The following SIRT1 variants were observed in gnomAD, a reference collection of about 807,000 sequenced individuals.
The protein encoded by SIRT1 is sirtuin 1.
Under a neutral mutation model 67.9 loss-of-function variants are expected in SIRT1, and 24 were observed. That is an observed-to-expected ratio of 0.35 (90% CI 0.26 to 0.50). The LOEUF (loss-of-function observed/expected upper bound fraction) is 0.50. Among genes scored for constraint, SIRT1 ranks in the 20% least tolerant of loss-of-function variants. SIRT1 has a pLI of 0.98. For synonymous variants in SIRT1, 378 were observed against 350.7 expected (o/e 1.08, Z -0.87); for missense variants, 873 against 937.2 (o/e 0.93, Z 0.89).
intron 4 of SIRT1, among the ~76,000 whole-genome samples, chr10:67,900,128 A>C (rs916527178): frequency 6.6e-6 from 1 of 151,980 alleles, no homozygotes; most frequent in Non-Finnish European, 1.5e-5. Flanking sequence ...ATAAAGCAGC[A>C]CCCAGCTTTA....
In SIRT1 at chr10:67,885,085, G is replaced by T; in HGVS notation, c.364G>T (p.Asp122Tyr). 1 of 1,448,618 alleles carries T rather than the reference G, an allele frequency of 6.9e-7. No homozygotes were observed. Among genetic ancestry groups the T allele is most frequent in the African/African-American group, 1.5e-5 (1 of 67,724 alleles). The allele number at this position is 1,448,618 out of a possible 1,614,324, so 89.7% of individuals were successfully genotyped here. The change falls in exon 1 of 9, where the codon GAC (aspartate) becomes TAC (tyrosine). Residue 122 changes from aspartate (D) to tyrosine (Y), a missense_variant. By Grantham distance (160) the Asp-to-Tyr change is radical. Coordinates refer to ENST00000212015, the MANE Select transcript of SIRT1 (RefSeq NM_012238.5). ...GCCACCGCTGGCCGACAACTTGTAC[G>T]ACGAAGACGACGACGACGAGGGCGA... is the stretch of plus-strand genomic sequence containing the variant. Reference protein sequence around the residue: ...REPPLADNLYDEDDDDEGEEE... With the variant: ...REPPLADNLYYEDDDDEGEEE...
At chr10:67,911,538 T>A (rs1436221971) in intron 7 of SIRT1, among the ~76,000 whole-genome samples, 1 of 152,080 alleles carries the variant, frequency 6.6e-6, no homozygotes, top group East Asian at 1.9e-4. Context: ...TAGTATGATG[T>A]GTTGCAAAGA....
intron 4 of SIRT1, 87 bp downstream of exon 4, chr10:67,891,641 C>T: frequency 3.7e-6 from 5 of 1,338,230 alleles, no homozygotes; most frequent in Non-Finnish European, 5.2e-6. Flanking sequence ...GGTTATCGTT[C>T]ATTGTTTAGT....
intron 8 of SIRT1, among the ~76,000 whole-genome samples, chr10:67,913,644 C>A (rs1053141965): frequency 3.3e-5 from 5 of 152,156 alleles, no homozygotes; most frequent in Non-Finnish European, 7.3e-5. Flanking sequence ...TGTTAACTGA[C>A]ATGTGAAATC....
chr10:67,914,884 T>G (rs1215012455), intron 8 of SIRT1, among the ~76,000 whole-genome samples: 1 of 151,276 alleles, frequency 6.6e-6, no homozygotes, highest in Non-Finnish European at 1.5e-5. Context: ...CAGCTATTTT[T>G]TTTTTTTTTT....
rs186258895 is a variant in SIRT1, at chr10:67,911,880, C to T, written c.1358-594C>T. The stretch of plus-strand genomic sequence containing the variant: ...TGCAGTCTCCCGTGTTCAAGCAGTT[C>T]TCCTCCCAAGTAGTTGGGATTAGAG... On this transcript the variant is annotated intron_variant, in intron 7 of 8. Transcript: ENST00000212015. Among the ~76,000 whole-genome samples, 455 of 144,986 alleles carry T rather than the reference C, an allele frequency of 3.1e-3. 3 individuals are homozygous for T. The highest frequency in any genetic ancestry group is 0.026 in the South Asian group (116 of 4,474).
intron 4 of SIRT1, among the ~76,000 whole-genome samples, chr10:67,898,087 C>G (rs1842686714): frequency 6.7e-6 from 1 of 149,704 alleles, no homozygotes; most frequent in Non-Finnish European, 1.5e-5. Context: ...TGGTGAAACC[C>G]TGTCTCTACT....
intron 4 of SIRT1, among the ~76,000 whole-genome samples, chr10:67,905,668 G>T (rs999241782): frequency 1.3e-5 from 2 of 152,106 alleles, no homozygotes; most frequent in African/African-American, 4.8e-5. Context: ...TCTGCTTACA[G>T]CCTGTTTGTA....
intron 4 of SIRT1, among the ~76,000 whole-genome samples, chr10:67,896,403 C>A (rs1842658503): frequency 1.3e-5 from 2 of 152,194 alleles, no homozygotes; most frequent in Admixed American, 6.5e-5. Context: ...CTTAGCCTTA[C>A]AGAGTGTCGG....
At chr10:67,887,697 C>T (rs556740381) in intron 2 of SIRT1, among the ~76,000 whole-genome samples, 164 bp downstream of exon 2, 1 of 152,362 alleles carries the variant, frequency 6.6e-6, no homozygotes, top group South Asian at 2.1e-4. Flanking sequence ...CTGCCTCAGC[C>T]TCCCCAGCAG....
intron 4 of SIRT1, among the ~76,000 whole-genome samples, chr10:67,903,291 A>G (rs1160204029): frequency 6.6e-6 from 1 of 151,596 alleles, no homozygotes; most frequent in Non-Finnish European, 1.5e-5. Context: ...ATTTACACCT[A>G]TGCCTTTTAC....
intron 4 of SIRT1, among the ~76,000 whole-genome samples, chr10:67,895,542 C>T (rs374559303): frequency 1.3e-5 from 2 of 151,818 alleles, no homozygotes; most frequent in African/African-American, 4.8e-5. Flanking sequence ...GTGTACTAGG[C>T]AGAAAGTTCA....
intron 1 of SIRT1, among the ~76,000 whole-genome samples, chr10:67,885,945 T>C (rs1004111342): frequency 4.4e-5 from 6 of 136,362 alleles, no homozygotes; most frequent in African/African-American, 1.2e-4. Flanking sequence ...AGGTTTCTTT[T>C]TTTTTTTTTT....
intron 8 of SIRT1, among the ~76,000 whole-genome samples, chr10:67,915,056 T>C (rs945081007): frequency 6.6e-6 from 1 of 152,004 alleles, no homozygotes; most frequent in Non-Finnish European, 1.5e-5. Flanking sequence ...ATGAGTACTA[T>C]GTGTCTGTTG....
At chr10:67,894,952 T>C (rs1412438932) in intron 4 of SIRT1, among the ~76,000 whole-genome samples, 1 of 152,158 alleles carries the variant, frequency 6.6e-6, no homozygotes, top group Non-Finnish European at 1.5e-5. Context: ...CGTTTCAGCC[T>C]CCCAAAGTGT....
intron 7 of SIRT1, among the ~76,000 whole-genome samples, chr10:67,911,579 C>T (rs1053858322): frequency 2.6e-5 from 4 of 151,998 alleles, no homozygotes; most frequent in Admixed American, 6.5e-5. Context: ...TTTATAATAG[C>T]GTAGAATATG....
intron 4 of SIRT1, 142 bp downstream of exon 4, chr10:67,891,696 G>C (rs1049244519): frequency 5.1e-6 from 4 of 784,660 alleles, no homozygotes; most frequent in Non-Finnish European, 8.1e-6. Context: ...ACTCATTATG[G>C]CTAGAATTCC....
chr10:67,914,916 A>G (rs2029874219), intron 8 of SIRT1, among the ~76,000 whole-genome samples: 1 of 147,872 alleles, frequency 6.8e-6, no homozygotes, highest in African/African-American at 2.5e-5. Flanking sequence ...TGTAGAAACA[A>G]GGTCTTGCCA....
At chr10:67,901,407 A>G (rs1842743044) in intron 4 of SIRT1, among the ~76,000 whole-genome samples, 1 of 152,154 alleles carries the variant, frequency 6.6e-6, no homozygotes, top group Non-Finnish European at 1.5e-5. Context: ...TTGTGACCAA[A>G]ATGGCAAGTT....
Sources: allele counts gnomAD v4.1 joint callset (sites outside exome capture counted in the v4.1 genomes callset), GRCh38; gene constraint gnomAD v4.1.1; transcripts MANE v1.5; gene names NCBI Gene and HGNC (gene_info 2026-07-23, HGNC 2026-07-21).